ENAH: variants seen among roughly 807,000 people sequenced by gnomAD.
The protein encoded by ENAH is protein enabled homolog.
ENAH carries 23 observed loss-of-function variants against 78.7 expected under a neutral mutation model. That is an observed-to-expected ratio of 0.29 (90% CI 0.21 to 0.41). ENAH has a LOEUF of 0.41. Ranked by LOEUF, ENAH falls within the 10% of genes least tolerant of loss-of-function variation. The probability of loss-of-function intolerance (pLI) is 1.00; values close to 1 mark genes in which losing one functional copy is unlikely to be tolerated. For missense variants in ENAH, 544 were observed against 691.0 expected (o/e 0.79, Z 2.39); for synonymous variants, 226 against 241.0 (o/e 0.94, Z 0.58).
chr1:225,588,760 G>A lies in ENAH; in HGVS notation c.6-21346C>T, dbSNP rs12029342. Among the ~76,000 whole-genome samples the A allele has an allele frequency of 2.3e-4, 33 of 145,912 alleles. No individual in the cohort carries two copies. The East Asian group carries it at 4.1e-3, about 18-fold the overall frequency. On this transcript the variant is annotated intron_variant, in intron 1 of 13. Coordinates refer to ENST00000366843, the MANE Select transcript of ENAH (RefSeq NM_018212.6). ...GCGGAGGTTGCAGTGAGCCGAGGTC[G>A]TGCCACTGCACTCCAGCCTGGCAAT... is the stretch of plus-strand genomic sequence containing the variant.
intron 4 of ENAH, among the ~76,000 whole-genome samples, chr1:225,525,841 A>T (rs985088001): frequency 2.6e-5 from 4 of 151,952 alleles, no homozygotes; most frequent in African/African-American, 9.7e-5. Flanking sequence ...AATCTTACTT[A>T]TTCTAGGACA....
chr1:225,561,965 T>C (rs1247449061), intron 2 of ENAH, among the ~76,000 whole-genome samples: 1 of 152,202 alleles, frequency 6.6e-6, no homozygotes, highest in Non-Finnish European at 1.5e-5. Flanking sequence ...CACTGTGCTC[T>C]ATTTTACACT....
At chr1:225,550,851 T>C (rs146203748) in intron 3 of ENAH, among the ~76,000 whole-genome samples, 1 of 152,284 alleles carries the variant, frequency 6.6e-6, no homozygotes, top group African/African-American at 2.4e-5. Context: ...ACAAAAGCAG[T>C]GGGATAATCT....
Position 225,501,012 on chromosome 1 carries a change from C to T in ENAH, c.1597G>A (p.Asp533Asn). 1.2e-6 allele frequency: 2 copies of T among 1,614,132 alleles called. No individual in the cohort carries two copies. The highest frequency in any genetic ancestry group is 8.5e-7 in the Non-Finnish European group (1 of 1,180,008). The change falls in exon 12 of 14, where the codon GAC (aspartate) becomes AAC (asparagine). Residue 533 changes from aspartate to asparagine, a missense_variant. By Grantham distance (23) the Asp-to-Asn change is conservative. This residue lies in a region of ENAH where 97 missense variants were observed against 124.4 expected (regional missense o/e 0.78). Coordinates refer to ENST00000366843, the MANE Select transcript of ENAH (RefSeq NM_018212.6). ...CCCACCTGCTTCAGCCTGTCATAGT[C>T]AAGTCCTTCCGTCTGGACTCCATTG... ...SANGVQTEGL[D>N]YDRLKQDILD...
intron 1 of ENAH, among the ~76,000 whole-genome samples, chr1:225,639,613 C>A (rs945035322): frequency 6.6e-6 from 1 of 151,646 alleles, no homozygotes; most frequent in African/African-American, 2.4e-5. Context: ...TCTCAGCCTC[C>A]GAACTGTGAA....
chr1:225,593,837 T>C lies in ENAH; in HGVS notation c.6-26423A>G, dbSNP rs534578534. ...CAAGGTAGAATAGTAATTATTACAA[T>C]TTTTTAAAGCTGCTTGACTAGAAGG... On this transcript the variant is annotated intron_variant, in intron 1 of 13. Coordinates refer to ENST00000366843, the MANE Select transcript of ENAH (RefSeq NM_018212.6). 2.6e-5 allele frequency among the ~76,000 whole-genome samples: 4 copies of C among 152,350 alleles called. No homozygotes were observed. In the East Asian group the frequency reaches 5.8e-4, roughly 22 times the overall value.
intron 4 of ENAH, among the ~76,000 whole-genome samples, chr1:225,524,915 T>C (rs561538345): frequency 5.3e-5 from 8 of 152,296 alleles, no homozygotes; most frequent in Non-Finnish European, 1.2e-4. Context: ...ATAAAGGGTA[T>C]TGGACTAATA....
chr1:225,615,427 C>G (rs1040135654), intron 1 of ENAH, among the ~76,000 whole-genome samples: 1 of 152,216 alleles, frequency 6.6e-6, no homozygotes, highest in African/African-American at 2.4e-5. Context: ...CCTTGGCCTC[C>G]CAAAGTGCCG....
intron 3 of ENAH, 115 bp from the exon 4 acceptor site, chr1:225,530,753 T>C (rs1169761705): frequency 1.3e-6 from 1 of 784,218 alleles, no homozygotes; most frequent in Non-Finnish European, 2.1e-6. Context: ...GTGTCTTCTT[T>C]TTGTCTAGCA....
At chr1:225,504,025 A>C (rs1261018496) in intron 11 of ENAH, among the ~76,000 whole-genome samples, 3 of 147,132 alleles carry the variant, frequency 2.0e-5, no homozygotes, top group African/African-American at 5.0e-5. Flanking sequence ...TTTTTTTCCT[A>C]AAAGAGGGTC....
chr1:225,551,748 G>A (rs545250117), intron 3 of ENAH, among the ~76,000 whole-genome samples: 2 of 152,300 alleles, frequency 1.3e-5, no homozygotes, highest in South Asian at 2.1e-4. Context: ...AAACAGAAAT[G>A]TTTAATATGG....
In ENAH at chr1:225,554,886, A is replaced by G. The variant is rs17561228; in HGVS notation, c.349+20T>C. On this transcript the variant is annotated intron_variant, in intron 3 of 13. Coordinates refer to ENST00000366843, the MANE Select transcript of ENAH (RefSeq NM_018212.6). ...CTCTGGAAAAAGAAAGAAAATACAA[A>G]TAAACCATGGGCACCTTACCTGTTT... is the stretch of plus-strand genomic sequence containing the variant. 76,309 of 1,475,884 alleles carry G rather than the reference A, an allele frequency of 0.052. 2,423 individuals carry two copies. Among genetic ancestry groups the G allele is most frequent in the South Asian group, 0.096 (6,487 of 67,702 alleles). The allele number at this position is 1,475,884 out of a possible 1,614,324, so 91.4% of individuals were successfully genotyped here. A position where few individuals can be genotyped will look rare whatever the true frequency, so the allele number is the denominator to read the frequency against.
At chr1:225,558,283 A>T (rs2151445063) in intron 2 of ENAH, among the ~76,000 whole-genome samples, 1 of 152,340 alleles carries the variant, frequency 6.6e-6, no homozygotes, top group South Asian at 2.1e-4. Context: ...TTCTCTGGAA[A>T]AAAGTACGTA....
At chr1:225,579,585 C>T (rs12032886) in intron 1 of ENAH, among the ~76,000 whole-genome samples, 2 of 152,192 alleles carry the variant, frequency 1.3e-5, no homozygotes, top group East Asian at 3.9e-4. Context: ...ACTATAGATA[C>T]AGATAGAGAT....
At chr1:225,514,923 A>G in intron 6 of ENAH, 23 bp from the exon 7 acceptor site, 2 of 1,589,236 alleles carry the variant, frequency 1.3e-6, no homozygotes, top group Non-Finnish European at 1.7e-6. Context: ...AATGTTAAGT[A>G]AGACCATCAA....
At chr1:225,539,236 G>T (rs1404717719) in intron 3 of ENAH, among the ~76,000 whole-genome samples, 4 of 152,082 alleles carry the variant, frequency 2.6e-5, no homozygotes, top group Non-Finnish European at 5.9e-5. Flanking sequence ...CATTGCTACT[G>T]TTCTTGTTCC....
At chr1:225,615,059 TCC>T (rs2097017678) in intron 1 of ENAH, among the ~76,000 whole-genome samples, 4 of 151,896 alleles carry the variant, frequency 2.6e-5, no homozygotes, top group African/African-American at 9.7e-5. Flanking sequence ...CCTCTCCCTC[TCC>T]CTCTCTCTCC....
intron 1 of ENAH, among the ~76,000 whole-genome samples, chr1:225,577,144 T>G (rs1205905873): frequency 6.6e-6 from 1 of 152,148 alleles, no homozygotes; most frequent in East Asian, 1.9e-4. Context: ...AACTTAAAAA[T>G]CTGTTTAAGC....
At chr1:225,644,961 G>C (rs1359289565) in intron 1 of ENAH, among the ~76,000 whole-genome samples, 1 of 152,100 alleles carries the variant, frequency 6.6e-6, no homozygotes, top group Non-Finnish European at 1.5e-5. Flanking sequence ...GGTGACTTTA[G>C]TCATCCTTAC....
Sources: gnomAD v4.1 joint callset for allele counts (sites outside exome capture counted in the v4.1 genomes callset) on GRCh38, gnomAD v4.1.1 for gene constraint, gnomAD v4.1.1 regional missense constraint, MANE v1.5 for transcripts, NCBI Gene and HGNC (gene_info 2026-07-23, HGNC 2026-07-21) for gene names.